The following SEMA3A variants were observed in gnomAD, a reference collection of about 807,000 sequenced individuals.
The protein encoded by SEMA3A is semaphorin 3A.
Under a neutral mutation model 97.9 loss-of-function variants are expected in SEMA3A, and 29 were observed. The ratio of observed to expected loss-of-function variants is 0.30; its 90% CI spans 0.22 to 0.40. SEMA3A has a LOEUF of 0.40. SEMA3A is among the 10% of genes least tolerant of loss of function. The probability of loss-of-function intolerance (pLI) is 1.00; values close to 1 mark genes in which losing one functional copy is unlikely to be tolerated. For synonymous variants in SEMA3A, 321 were observed against 323.7 expected (o/e 0.99, Z 0.09); for missense variants, 763 against 951.3 (o/e 0.80, Z 2.60).
rs370761155 is a variant in SEMA3A at position 84,488,539 on chromosome 7, T to C, written c.-246+3921A>G. On this transcript the variant is annotated intron_variant, in intron 1 of 3. Transcript: ENST00000424555. ...TTAGGTGATTCTCATTGAAAGACTA[T>C]TGTGATTAGAGTGATCTCTGTTTGT... Among the ~76,000 whole-genome samples the C allele has an allele frequency of 3.3e-5, 5 of 152,210 alleles. No individual in the cohort carries two copies. The East Asian group carries it at 5.8e-4, about 18-fold the overall frequency.
intron 6 of SEMA3A, among the ~76,000 whole-genome samples, chr7:84,017,147 A>T (rs1258504616): frequency 6.6e-6 from 1 of 152,222 alleles, no homozygotes; most frequent in Admixed American, 6.5e-5. Context: ...AATGACAACA[A>T]AGAAAACAAT....
In SEMA3A at chr7:83,974,609, G is replaced by A. The variant is rs567751760; in HGVS notation, c.1717+2523C>T. ...ACATGATTTAGTAAGGCTGGGCTCC[G>A]GATTTTTGCCCATTTTACTTTCAAA... On this transcript the variant is annotated intron_variant, in intron 15 of 16. Coordinates refer to ENST00000265362, the MANE Select transcript of SEMA3A (RefSeq NM_006080.3). Among the ~76,000 whole-genome samples, 10 of 152,112 alleles carry A rather than the reference G, an allele frequency of 6.6e-5. No homozygotes were observed. In the East Asian group the frequency reaches 1.4e-3, roughly 21 times the overall value.
chr7:84,463,237 C>CTTTT lies in SEMA3A; in HGVS notation c.-246+29219_-246+29222dup, dbSNP rs59465422. Among the ~76,000 whole-genome samples the CTTTT allele has an allele frequency of 2.3e-3, 162 of 71,372 alleles. 24 individuals are homozygous for CTTTT. The highest frequency in any genetic ancestry group is 3.3e-3 in the Non-Finnish European group (110 of 33,484). 46.8% of individuals were successfully genotyped at this position (71,372 alleles called of 152,430 possible). ...ATTACTTTAGTATTTTGTAACTATT[C>CTTTT]TTTTTTTTTTTTTTTTTTTTTTTTT... On this transcript the variant is annotated intron_variant, in intron 1 of 3. Transcript: ENST00000424555.
chr7:84,029,335 T>C (rs1007341120), intron 6 of SEMA3A, among the ~76,000 whole-genome samples: 1 of 152,180 alleles, frequency 6.6e-6, no homozygotes, highest in African/African-American at 2.4e-5. Context: ...TACAGTGCTT[T>C]TTGTCCATTG....
intron 2 of SEMA3A, among the ~76,000 whole-genome samples, chr7:84,315,938 A>AT (rs575620427): frequency 8.2e-4 from 124 of 151,214 alleles, no homozygotes; most frequent in African/African-American, 2.9e-3. Context: ...ACTAATATAT[A>AT]TTTTTTCTTT....
At chr7:84,201,211 T>C (rs966440487) in intron 3 of SEMA3A, among the ~76,000 whole-genome samples, 1 of 152,132 alleles carries the variant, frequency 6.6e-6, no homozygotes, top group Non-Finnish European at 1.5e-5. Context: ...ACAATCTCTA[T>C]GGCCTAGGAA....
chr7:83,977,305 T>C (rs1789191496), intron 14 of SEMA3A, 109 bp from the exon 15 acceptor site: 2 of 468,410 alleles, frequency 4.3e-6, no homozygotes, highest in Non-Finnish European at 3.6e-6. Flanking sequence ...TCATAGACTC[T>C]AGTAACTTAC....
At chr7:84,393,771 T>C (rs536807301) in intron 1 of SEMA3A, among the ~76,000 whole-genome samples, 1 of 152,138 alleles carries the variant, frequency 6.6e-6, no homozygotes. Flanking sequence ...GTGGTCCCCC[T>C]TGGTAAAGAG....
intron 1 of SEMA3A, among the ~76,000 whole-genome samples, chr7:84,442,716 T>C (rs531110378): frequency 6.6e-6 from 1 of 152,242 alleles, no homozygotes; most frequent in East Asian, 1.9e-4. Context: ...CAACTATATA[T>C]TGTCTATAAG....
At chr7:84,325,524 A>C (rs1005351015) in intron 2 of SEMA3A, among the ~76,000 whole-genome samples, 1 of 151,902 alleles carries the variant, frequency 6.6e-6, no homozygotes, top group Non-Finnish European at 1.5e-5. Flanking sequence ...AGGAGTAGCA[A>C]GGAAGGCCAT....
chr7:84,306,423 ATATT>A (rs1398613713), intron 3 of SEMA3A: 2 of 152,118 alleles, frequency 1.3e-5, no homozygotes, highest in African/African-American at 2.4e-5. Context: ...AAAAAGAAGC[ATATT>A]TAAATTCAGT....
intron 4 of SEMA3A, among the ~76,000 whole-genome samples, chr7:84,087,187 T>C (rs1794408478): frequency 6.6e-6 from 1 of 152,188 alleles, no homozygotes; most frequent in African/African-American, 2.4e-5. Context: ...TCATAGTTAC[T>C]GTAGTAAGAG....
chr7:84,297,844 G>A (rs1415323449), intron 3 of SEMA3A, among the ~76,000 whole-genome samples: 4 of 152,136 alleles, frequency 2.6e-5, no homozygotes, highest in Non-Finnish European at 5.9e-5. Flanking sequence ...AAACCCAGAT[G>A]AGCTGCAACT....
At chr7:84,321,338 T>A (rs1430104375) in intron 2 of SEMA3A, among the ~76,000 whole-genome samples, 2 of 152,198 alleles carry the variant, frequency 1.3e-5, no homozygotes, top group Non-Finnish European at 2.9e-5. Flanking sequence ...AAATGAACTA[T>A]AATTATCACT....
intron 5 of SEMA3A, among the ~76,000 whole-genome samples, chr7:84,057,301 C>T (rs993578085): frequency 6.6e-6 from 1 of 152,136 alleles, no homozygotes; most frequent in African/African-American, 2.4e-5. Flanking sequence ...TGTTCTTTCA[C>T]ATCATGAAAA....
At chr7:84,090,517 A>G (rs1794530153) in intron 4 of SEMA3A, among the ~76,000 whole-genome samples, 2 of 152,188 alleles carry the variant, frequency 1.3e-5, no homozygotes, top group African/African-American at 4.8e-5. Flanking sequence ...AAAAAAAACA[A>G]AACACAAGAC....
chr7:83,964,835 C>T (rs776432435), intron 15 of SEMA3A, among the ~76,000 whole-genome samples: 3 of 152,100 alleles, frequency 2.0e-5, no homozygotes, highest in Admixed American at 6.6e-5. Context: ...GTGCCAATAT[C>T]TATATTGTAT....
intron 1 of SEMA3A, among the ~76,000 whole-genome samples, chr7:84,446,154 A>T (rs931607088): frequency 1.3e-5 from 2 of 152,200 alleles, no homozygotes; most frequent in African/African-American, 4.8e-5. Flanking sequence ...CTAAATCTTG[A>T]AGAAATAGAA....
rs374555748 is a variant in SEMA3A, at chr7:84,441,038, A to T, written c.-246+51422T>A. On this transcript the variant is annotated intron_variant, in intron 1 of 3. Transcript: ENST00000424555. ...CCGGGCGTCGGGGCGCATGCCTGTA[A>T]TCCCAGCTACTGGAGAGGCTGAGGC... Among the ~76,000 whole-genome samples, 106 of 152,204 alleles carry T rather than the reference A, an allele frequency of 7.0e-4. 1 individual carries two copies. Among genetic ancestry groups the T allele is most frequent in the African/African-American group, 2.4e-3 (98 of 41,546 alleles).
Sources: gnomAD v4.1 joint callset for allele counts (sites outside exome capture counted in the v4.1 genomes callset) on GRCh38, gnomAD v4.1.1 for gene constraint, MANE v1.5 for transcripts, NCBI Gene and HGNC (gene_info 2026-07-23, HGNC 2026-07-21) for gene names.